Variants in MAML3 observed in about 807,000 individuals in gnomAD.
MAML3 encodes mastermind-like protein 3.
A neutral mutation model predicts 101.9 loss-of-function variants in MAML3; 27 were observed. That is an observed-to-expected ratio of 0.27 (90% CI 0.20 to 0.37). The LOEUF (loss-of-function observed/expected upper bound fraction) is 0.37. Ranked by LOEUF, MAML3 falls within the 10% of genes least tolerant of loss-of-function variation. The pLI is 1.00. For missense variants in MAML3, 1,316 were observed against 1,444.9 expected (o/e 0.91, Z 1.45); for synonymous variants, 501 against 555.9 (o/e 0.90, Z 1.39).
chr4:139,987,082 A>C (rs1349206085), intron 1 of MAML3, among the ~76,000 whole-genome samples: 2 of 152,188 alleles, frequency 1.3e-5, no homozygotes, highest in African/African-American at 4.8e-5. Context: ...TCTGTGAGCT[A>C]GCCACTGTTC....
chr4:139,734,963 C>T lies in MAML3; in HGVS notation c.2080-4296G>A, dbSNP rs564927856. On this transcript the variant is annotated intron_variant, in intron 2 of 4. Transcript: ENST00000509479. Reference sequence around the variant, plus strand: ...GCAACGCAGAGCAGCTGCCGTTCTTCCCGCGCCCCAGCAGATGGTGGTGTC... The same window carrying T: ...GCAACGCAGAGCAGCTGCCGTTCTTTCCGCGCCCCAGCAGATGGTGGTGTC... Among the ~76,000 whole-genome samples, 8 of 152,352 alleles carry T rather than the reference C, an allele frequency of 5.3e-5. No homozygotes were observed. The Middle Eastern group carries it at 0.01, about 194-fold the overall frequency.
rs374134414 is a variant in MAML3, at chr4:140,059,023, GT to G, written c.468+93836del. Reference sequence around the variant, plus strand: ...CAACACTGTGATTCAGGTGAAGATTGTTTTTTTCAATGTGATTTCACTTTTG... The same window carrying G: ...CAACACTGTGATTCAGGTGAAGATTGTTTTTTCAATGTGATTTCACTTTTG... On this transcript the variant is annotated intron_variant, in intron 1 of 4. Coordinates refer to ENST00000509479, the MANE Select transcript of MAML3 (RefSeq NM_018717.5). Among the ~76,000 whole-genome samples the G allele has an allele frequency of 7.6e-3, 1,151 of 152,196 alleles. 16 individuals are homozygous for G. The highest frequency in any genetic ancestry group is 0.026 in the African/African-American group (1,100 of 41,518).
chr4:139,852,329 T>C (rs1281055165), intron 2 of MAML3, among the ~76,000 whole-genome samples: 5 of 150,818 alleles, frequency 3.3e-5, no homozygotes, highest in Admixed American at 2.7e-4. Flanking sequence ...GAAAGCACCA[T>C]AGGTCCAAAG....
rs112224339 is a variant in MAML3, at chr4:140,125,189, G to A, written c.468+27671C>T. 7.4e-3 allele frequency among the ~76,000 whole-genome samples: 1,133 copies of A among 152,146 alleles called. 16 individuals are homozygous for A. Among genetic ancestry groups the A allele is most frequent in the African/African-American group, 0.025 (1,051 of 41,522 alleles). Reference sequence around the variant, plus strand: ...TAAATTAATATTAACACATATAAATGATATATACTGAATAAAAGAACATTT... The same window carrying A: ...TAAATTAATATTAACACATATAAATAATATATACTGAATAAAAGAACATTT... On this transcript the variant is annotated intron_variant, in intron 1 of 4. Coordinates refer to ENST00000509479, the MANE Select transcript of MAML3 (RefSeq NM_018717.5).
intron 1 of MAML3, among the ~76,000 whole-genome samples, chr4:140,084,376 C>T (rs150296152): frequency 1.8e-3 from 270 of 152,254 alleles, no homozygotes; most frequent in African/African-American, 6.3e-3. Flanking sequence ...GCCACGTGCA[C>T]AACCTAATGT....
chr4:139,995,514 T>G (rs1734791037), intron 1 of MAML3, among the ~76,000 whole-genome samples: 3 of 152,206 alleles, frequency 2.0e-5, no homozygotes, highest in African/African-American at 7.2e-5. Context: ...TTTGATTTCC[T>G]TACTTATTAT....
chr4:139,850,833 T>C (rs564067385), intron 2 of MAML3, among the ~76,000 whole-genome samples: 1 of 151,958 alleles, frequency 6.6e-6, no homozygotes, highest in Admixed American at 6.6e-5. Context: ...TCCAAAATGA[T>C]TGTTGAGAGT....
Position 139,722,054 on chromosome 4 carries a change from A to G in MAML3, c.2417-1731T>C, listed in dbSNP as rs546917862. Among the ~76,000 whole-genome samples the G allele has an allele frequency of 2.0e-5, 3 of 152,330 alleles. No homozygotes were observed. In the East Asian group the frequency reaches 5.8e-4, roughly 29 times the overall value. On this transcript the variant is annotated intron_variant, in intron 4 of 4. Coordinates refer to ENST00000509479, the MANE Select transcript of MAML3 (RefSeq NM_018717.5). ...TGATGGGCTGCTAGAAATAGATGAA[A>G]GGACATCTATAATTTGGCCATTTTG...
intron 1 of MAML3, among the ~76,000 whole-genome samples, chr4:140,116,860 AT>A (rs200423972): frequency 6.6e-6 from 1 of 152,158 alleles, no homozygotes; most frequent in Non-Finnish European, 1.5e-5. Flanking sequence ...CACAGATGAG[AT>A]TTTTTTAAAA....
chr4:140,076,340 C>T (rs542815830), intron 1 of MAML3, among the ~76,000 whole-genome samples: 4 of 152,044 alleles, frequency 2.6e-5, no homozygotes, highest in East Asian at 1.9e-4. Flanking sequence ...TAATTTTGTA[C>T]GTTCAAAGTG....
intron 2 of MAML3, among the ~76,000 whole-genome samples, chr4:139,804,857 G>A (rs1730676725): frequency 6.6e-6 from 1 of 152,168 alleles, no homozygotes; most frequent in African/African-American, 2.4e-5. Flanking sequence ...CTAGAACAGT[G>A]CTGTTTAGTA....
chr4:139,720,636 G>A (rs1377890293), intron 4 of MAML3, among the ~76,000 whole-genome samples: 1 of 152,178 alleles, frequency 6.6e-6, no homozygotes, highest in Non-Finnish European at 1.5e-5. Flanking sequence ...TACTGTGCAT[G>A]TGTTTTTGTA....
chr4:139,780,918 T>C (rs897628866), intron 2 of MAML3, among the ~76,000 whole-genome samples: 2 of 152,164 alleles, frequency 1.3e-5, no homozygotes, highest in Non-Finnish European at 2.9e-5. Flanking sequence ...TGTGAGCCAC[T>C]GCACCTGACA....
intron 2 of MAML3, among the ~76,000 whole-genome samples, chr4:139,873,071 G>A (rs1204259087): frequency 6.6e-6 from 1 of 152,134 alleles, no homozygotes; most frequent in African/African-American, 2.4e-5. Context: ...GACAGAGTGA[G>A]ACTCCATCTC....
chr4:139,966,620 G>C (rs890484093), intron 1 of MAML3, among the ~76,000 whole-genome samples: 1 of 152,142 alleles, frequency 6.6e-6, no homozygotes, highest in Non-Finnish European at 1.5e-5. Flanking sequence ...GTTTCTGACC[G>C]ATGCCTGATG....
intron 2 of MAML3, among the ~76,000 whole-genome samples, chr4:139,872,325 A>G (rs1732027594): frequency 6.6e-6 from 1 of 152,228 alleles, no homozygotes; most frequent in African/African-American, 2.4e-5. Context: ...CTTCATGTGC[A>G]ATTGGTCTTC....
chr4:139,744,242 G>A (rs1579384510), intron 2 of MAML3, among the ~76,000 whole-genome samples: 1 of 152,328 alleles, frequency 6.6e-6, no homozygotes, highest in East Asian at 1.9e-4. Flanking sequence ...TGAGAACATG[G>A]AGCCTCAGAC....
intron 1 of MAML3, among the ~76,000 whole-genome samples, chr4:139,971,486 T>C (rs1734234641): frequency 6.6e-6 from 1 of 152,190 alleles, no homozygotes; most frequent in Admixed American, 6.5e-5. Context: ...AATTCCCAAA[T>C]TCAGAAATAC....
rs771617532 is a variant in MAML3 at position 139,885,960 on chromosome 4, A to AAAAAAG, written c.2079+3396_2079+3397insCTTTTT. ...AAAAAAAAAAAAAAAAAAAAAAAGA[A>AAAAAAG]AGAGAAAAAAAGTAAAGGGAATAAA... On this transcript the variant is annotated intron_variant, in intron 2 of 4. Coordinates refer to ENST00000509479, the MANE Select transcript of MAML3 (RefSeq NM_018717.5). Among the ~76,000 whole-genome samples, 355 of 134,254 alleles carry AAAAAAG rather than the reference A, an allele frequency of 2.6e-3. 21 individuals carry two copies. Among genetic ancestry groups the AAAAAAG allele is most frequent in the African/African-American group, 8.8e-3 (304 of 34,728 alleles). 88.1% of individuals were successfully genotyped at this position (134,254 alleles called of 152,430 possible).
Sources: allele counts gnomAD v4.1 joint callset (sites outside exome capture counted in the v4.1 genomes callset), GRCh38; gene constraint gnomAD v4.1.1; transcripts MANE v1.5; gene names NCBI Gene and HGNC (gene_info 2026-07-23, HGNC 2026-07-21).